Variants in WSCD2 observed in about 807,000 individuals in gnomAD.
WSCD2 encodes WSC domain sialate O sulfotransferase 2.
A neutral mutation model predicts 55.7 loss-of-function variants in WSCD2; 28 were observed. The ratio of observed to expected loss-of-function variants is 0.50; its 90% CI spans 0.37 to 0.69. The LOEUF is 0.69. WSCD2 is among the 30% of genes least tolerant of loss of function. The probability of loss-of-function intolerance (pLI) is 0.00; values close to 1 mark genes in which losing one functional copy is unlikely to be tolerated. For missense variants in WSCD2, 616 were observed against 762.1 expected (o/e 0.81, Z 2.26); for synonymous variants, 301 against 301.9 (o/e 1.00, Z 0.03).
intron 3 of WSCD2, among the ~76,000 whole-genome samples, chr12:108,208,609 G>A (rs908985302): frequency 6.6e-6 from 1 of 152,192 alleles, no homozygotes; most frequent in Non-Finnish European, 1.5e-5. Flanking sequence ...AACACTCAGG[G>A]TGCTCAGGTA....
chr12:108,222,929 A>T (rs1887690676), intron 4 of WSCD2, among the ~76,000 whole-genome samples: 1 of 152,248 alleles, frequency 6.6e-6, no homozygotes, highest in Non-Finnish European at 1.5e-5. Flanking sequence ...AGATATATTA[A>T]GAGATTTATT....
chr12:108,169,175 G>A (rs1433457884), intron 1 of WSCD2, among the ~76,000 whole-genome samples: 2 of 152,160 alleles, frequency 1.3e-5, no homozygotes, highest in African/African-American at 4.8e-5. Context: ...ACCTCCAGAT[G>A]GGGCCGTCTA....
chr12:108,178,243 C>T (rs1881159774), intron 1 of WSCD2, among the ~76,000 whole-genome samples: 1 of 152,090 alleles, frequency 6.6e-6, no homozygotes, highest in African/African-American at 2.4e-5. Context: ...TAGCGTCTTC[C>T]CTCTGGATGT....
chr12:108,184,041 G>T (rs747477774), intron 1 of WSCD2, among the ~76,000 whole-genome samples: 1 of 152,178 alleles, frequency 6.6e-6, no homozygotes. Flanking sequence ...AAGGCTGAAG[G>T]CTGGGATGCA....
At chr12:108,246,521 C>G (rs7965112) in intron 8 of WSCD2, among the ~76,000 whole-genome samples, 6,658 of 152,244 alleles carry the variant, frequency 0.044, 464 homozygotes, top group African/African-American at 0.15. Context: ...CATCCAGGTT[C>G]CCCTTCTGCA....
chr12:108,232,416 T>C (rs896140597), intron 6 of WSCD2, among the ~76,000 whole-genome samples: 1 of 152,098 alleles, frequency 6.6e-6, no homozygotes, highest in African/African-American at 2.4e-5. Context: ...GGGGGGAAAC[T>C]GGGGCTGGAG....
intron 1 of WSCD2, among the ~76,000 whole-genome samples, chr12:108,145,772 G>A (rs961549954): frequency 6.6e-6 from 1 of 152,170 alleles, no homozygotes; most frequent in Non-Finnish European, 1.5e-5. Flanking sequence ...GACATACCAA[G>A]GAATAGTACA....
At chr12:108,225,045 G>C (rs1026844974) in intron 5 of WSCD2, among the ~76,000 whole-genome samples, 185 bp downstream of exon 5, 2 of 145,936 alleles carry the variant, frequency 1.4e-5, no homozygotes, top group Non-Finnish European at 3.0e-5. Context: ...CAGCTACACA[G>C]AATAGATTTT....
At chr12:108,205,681 C>T (rs1885273924) in intron 2 of WSCD2, among the ~76,000 whole-genome samples, 1 of 152,150 alleles carries the variant, frequency 6.6e-6, no homozygotes, top group Admixed American at 6.5e-5. Context: ...AATTTGATGC[C>T]TATCATATGC....
intron 4 of WSCD2, among the ~76,000 whole-genome samples, chr12:108,221,182 C>G (rs1232488989): frequency 2.0e-5 from 3 of 152,122 alleles, no homozygotes; most frequent in Non-Finnish European, 2.9e-5. Flanking sequence ...ATCCGGCTGA[C>G]TGAGTTTTCT....
intron 1 of WSCD2, among the ~76,000 whole-genome samples, chr12:108,179,261 G>T (rs1308245167): frequency 6.6e-6 from 1 of 151,820 alleles, no homozygotes; most frequent in Admixed American, 6.6e-5. Flanking sequence ...TTTCAGCGGG[G>T]GAGGGGGGGC....
intron 6 of WSCD2, among the ~76,000 whole-genome samples, chr12:108,228,398 C>T (rs145651403): frequency 6.6e-6 from 1 of 152,322 alleles, no homozygotes; most frequent in Non-Finnish European, 1.5e-5. Flanking sequence ...AGATTGGGAA[C>T]TGGCCACAGT....
At position 108,182,524 on chromosome 12, in the gene WSCD2, T is replaced by G. The variant is rs539612059; in HGVS notation, c.-551-12758T>G. 5.3e-5 allele frequency among the ~76,000 whole-genome samples: 8 copies of G among 152,358 alleles called. 1 individual carries two copies. The highest frequency in any genetic ancestry group is 1.9e-4 in the African/African-American group (8 of 41,578). ...TAAGGATATGCCCAGGAGAGAGGTC[T>G]GTGCATTTCTCCAGAGATGACTTTG... On this transcript the variant is annotated intron_variant, in intron 1 of 8. Coordinates refer to ENST00000547525, the MANE Select transcript of WSCD2 (RefSeq NM_014653.4).
At chr12:108,148,122 G>T (rs2136903948) in intron 1 of WSCD2, among the ~76,000 whole-genome samples, 1 of 152,316 alleles carries the variant, frequency 6.6e-6, no homozygotes, top group East Asian at 1.9e-4. Flanking sequence ...TTTGAGCTGG[G>T]TCATTCTTTG....
chr12:108,175,781 A>G (rs899998607), intron 1 of WSCD2, among the ~76,000 whole-genome samples: 2 of 152,252 alleles, frequency 1.3e-5, no homozygotes, highest in Non-Finnish European at 2.9e-5. Context: ...TCAGGGAAGC[A>G]GCCAGCATAG....
At chr12:108,205,942 G>GTA (rs1230384068) in intron 2 of WSCD2, among the ~76,000 whole-genome samples, 3 of 152,178 alleles carry the variant, frequency 2.0e-5, no homozygotes, top group Non-Finnish European at 1.5e-5. Context: ...GTTGTCAAAT[G>GTA]TTAAGCCTTT....
At position 108,248,349 on chromosome 12, in the gene WSCD2, C is replaced by T. The variant is rs1890233090; in HGVS notation, c.*6C>T. On this transcript the variant is annotated 3_prime_UTR_variant, in exon 9 of 9. Coordinates refer to ENST00000547525, the MANE Select transcript of WSCD2 (RefSeq NM_014653.4). The surrounding 1 kb of genome is among the most constrained non-coding windows in gnomAD (Gnocchi z 4.3). Reference sequence around the variant, plus strand: ...ATGACTACTACCCAAGATGATGCGTCCACACAGGGGGAGGGTAGACTGGGA... The same window carrying T: ...ATGACTACTACCCAAGATGATGCGTTCACACAGGGGGAGGGTAGACTGGGA... 1.2e-6 allele frequency: 2 copies of T among 1,605,826 alleles called. No individual in the cohort carries two copies. Among genetic ancestry groups the T allele is most frequent in the Middle Eastern group, 1.7e-4 (1 of 6,048 alleles).
chr12:108,231,484 TA>T (rs1888749836), intron 6 of WSCD2, among the ~76,000 whole-genome samples: 1 of 152,176 alleles, frequency 6.6e-6, no homozygotes, highest in Non-Finnish European at 1.5e-5. Flanking sequence ...GAATCAAAAA[TA>T]TCCAAATGGT....
At chr12:108,173,817 T>TGG (rs1880510566) in intron 1 of WSCD2, among the ~76,000 whole-genome samples, 1 of 147,982 alleles carries the variant, frequency 6.8e-6, no homozygotes, top group Non-Finnish European at 1.5e-5. Context: ...TCTCTGTGTG[T>TGG]GTGTGTGTGT....
Sources: allele counts gnomAD v4.1 joint callset (sites outside exome capture counted in the v4.1 genomes callset), GRCh38; gene constraint gnomAD v4.1.1; non-coding constraint Gnocchi (gnomAD v3.1); transcripts MANE v1.5; gene names NCBI Gene and HGNC (gene_info 2026-07-23, HGNC 2026-07-21).